Variants in SULT6B1 observed in about 807,000 individuals in gnomAD.
The protein encoded by SULT6B1 is sulfotransferase family 6B member 1.
In SULT6B1, 44 loss-of-function variants were observed where a neutral mutation model predicts 37.2. The ratio of observed to expected loss-of-function variants is 1.18; its 90% CI spans 0.93 to 1.52. The LOEUF is 1.52. SULT6B1 is among the 40% of genes most tolerant of loss of function. SULT6B1 has a pLI of 0.00. For missense variants in SULT6B1, 450 were observed against 361.0 expected, an observed-to-expected ratio of 1.25 and a Z score of -2.00; for synonymous variants, 140 against 126.0, an observed-to-expected ratio of 1.11 and a Z score of -0.74.
upstream of SULT6B1, among the ~76,000 whole-genome samples, chr2:37,192,213 G>T (rs1676793858): frequency 6.6e-6 from 1 of 152,202 alleles, no homozygotes; most frequent in Non-Finnish European, 1.5e-5. Context: ...ATTGTAAGAT[G>T]CATTCCTATT....
At chr2:37,186,746 A>C (rs967501771) in intron 2 of SULT6B1, among the ~76,000 whole-genome samples, 2 of 152,054 alleles carry the variant, frequency 1.3e-5, no homozygotes, top group Non-Finnish European at 2.9e-5. Context: ...ATTAAAAAAA[A>C]TTAACCAGGT....
intron 1 of SULT6B1, among the ~76,000 whole-genome samples, chr2:37,194,929 C>CAT (rs1676875178): frequency 3.7e-5 from 2 of 53,832 alleles, no homozygotes; most frequent in Admixed American, 2.0e-4. Context: ...TCCTTCCTTC[C>CAT]TTCCTTCCTT....
chr2:37,181,948 G>A (rs1467356742), intron 3 of SULT6B1, among the ~76,000 whole-genome samples: 1 of 152,160 alleles, frequency 6.6e-6, no homozygotes, highest in African/African-American at 2.4e-5. Context: ...TATCATTGGA[G>A]GTGCTGAATC....
chr2:37,175,348 A>T, intron 4 of SULT6B1, 122 bp from the exon 5 acceptor site: 1 of 432,632 alleles, frequency 2.3e-6, no homozygotes, highest in Non-Finnish European at 4.0e-6. Flanking sequence ...TCTTTATGTT[A>T]TTATAAATCC....
intron 1 of SULT6B1, among the ~76,000 whole-genome samples, chr2:37,194,899 TC>T (rs1676872276): frequency 4.5e-5 from 1 of 21,996 alleles, no homozygotes; most frequent in African/African-American, 2.1e-4. Context: ...CTTCCTTCTT[TC>T]CTTCCTTCCT....
intron 4 of SULT6B1, among the ~76,000 whole-genome samples, chr2:37,177,075 G>A (rs1676446761): frequency 1.3e-5 from 2 of 151,986 alleles, no homozygotes; most frequent in Admixed American, 1.3e-4. Context: ...TGTTAAATGA[G>A]AAAAACAAAC....
chr2:37,187,366 C>G lies in SULT6B1; in HGVS notation c.301G>C (p.Glu101Gln), dbSNP rs2148299561. 2 of 1,593,732 alleles carry G rather than the reference C, an allele frequency of 1.3e-6. No homozygotes were observed. Among genetic ancestry groups the G allele is most frequent in the South Asian group, 2.2e-5 (2 of 89,416 alleles). ...EFPVLECGDS[E>Q]KYQRMKGFPS... Reference sequence around the variant, plus strand: ...CTGGTTGTACTAACCTGATATTTTTCTGAATCCCCACATTCAAGAACTGGG... The same window carrying G: ...CTGGTTGTACTAACCTGATATTTTTGTGAATCCCCACATTCAAGAACTGGG... The change falls in exon 2 of 7, where the codon GAA (glutamate) becomes CAA (glutamine). Residue 101 changes from glutamate (E) to glutamine (Q), a missense_variant. Glu to Gln is a conservative substitution (Grantham distance 29). Transcript: ENST00000535679.
Position 37,183,456 on chromosome 2 carries a change from A to C in SULT6B1, c.371T>G (p.Leu124Ter), listed in dbSNP as rs372005005. The change falls in exon 3 of 7, where the codon TTA becomes TGA. Residue 124 changes from leucine to a stop codon, truncating the protein, a stop_gained. Coordinates refer to ENST00000535679, the MANE Select transcript of SULT6B1 (RefSeq NM_001367551.1). LOFTEE classifies it high-confidence loss of function. ...TTTATTCTCGAAGATAGACCCAGGT[A>C]ATTTGTCATAGTGGAGGTGAGTTGC... ...ILATHLHYDK[L>*]PGSIFENKAK... 9.9e-6 allele frequency: 16 copies of C among 1,614,148 alleles called. No individual in the cohort carries two copies. The East Asian group carries it at 3.3e-4, about 34-fold the overall frequency.
intron 2 of SULT6B1, 130 bp from the exon 3 acceptor site, chr2:37,183,644 C>G (rs186298023): frequency 7.7e-6 from 5 of 652,100 alleles, no homozygotes; most frequent in Admixed American, 5.7e-5. Flanking sequence ...TCTCCTCCTC[C>G]TCCAATTTTT....
intron 2 of SULT6B1, among the ~76,000 whole-genome samples, chr2:37,184,976 G>C (rs746809524): frequency 1.1e-4 from 16 of 152,298 alleles, no homozygotes; most frequent in Non-Finnish European, 2.2e-4. Flanking sequence ...TACAACAAAT[G>C]GTACCTTTAA....
At chr2:37,190,237 A>G (rs996792285), upstream of SULT6B1, among the ~76,000 whole-genome samples, 3 of 152,110 alleles carry the variant, frequency 2.0e-5, no homozygotes, top group African/African-American at 7.2e-5. Flanking sequence ...TAGACTGTAT[A>G]TTTCTTCTTA....
chr2:37,171,593 G>T lies in SULT6B1; in HGVS notation c.625-3C>A. 1 of 1,607,632 alleles carries T rather than the reference G, an allele frequency of 6.2e-7. No individual in the cohort carries two copies. Among genetic ancestry groups the T allele is most frequent in the East Asian group, 2.2e-5 (1 of 44,828 alleles). On this transcript the variant is annotated splice_region_variant and splice_polypyrimidine_tract_variant and intron_variant, in intron 5 of 6. Coordinates refer to ENST00000535679, the MANE Select transcript of SULT6B1 (RefSeq NM_001367551.1). ...TGTTTTATTCCAGCAGCCAGATTCTGTAAAAAAATTTTCTTAAAGATAAAT... is the reference window on the plus strand; with the variant it reads ...TGTTTTATTCCAGCAGCCAGATTCTTTAAAAAAATTTTCTTAAAGATAAAT...
upstream of SULT6B1, among the ~76,000 whole-genome samples, chr2:37,190,775 T>A (rs1280152704): frequency 1.3e-5 from 2 of 152,136 alleles, no homozygotes; most frequent in Non-Finnish European, 2.9e-5. Context: ...CTGTATGTCT[T>A]GTTTCAACGG....
intron 2 of SULT6B1, among the ~76,000 whole-genome samples, chr2:37,183,871 T>C (rs148867949): frequency 0.028 from 4,322 of 152,264 alleles, 95 homozygotes; most frequent in Middle Eastern, 0.044. Context: ...CTGAAACTCC[T>C]GACCTCAGGT....
At chr2:37,168,172 T>G in intron 6 of SULT6B1, 107 bp from the exon 7 acceptor site, 2 of 1,160,580 alleles carry the variant, frequency 1.7e-6, no homozygotes, top group Non-Finnish European at 2.3e-6. Context: ...AATGGACACA[T>G]GGAAAAAAGC....
At chr2:37,186,834 T>C (rs1464274854) in intron 2 of SULT6B1, among the ~76,000 whole-genome samples, 1 of 152,132 alleles carries the variant, frequency 6.6e-6, no homozygotes, top group Non-Finnish European at 1.5e-5. Context: ...AGGTCGAGGC[T>C]GCAGTGAGCC....
At chr2:37,187,666 T>C (rs1037044681) in intron 1 of SULT6B1, among the ~76,000 whole-genome samples, 199 bp from the exon 2 acceptor site, 2 of 152,228 alleles carry the variant, frequency 1.3e-5, no homozygotes, top group African/African-American at 2.4e-5. Context: ...ATAATTAGTA[T>C]AAAATTCAAC....
intron 3 of SULT6B1, among the ~76,000 whole-genome samples, chr2:37,180,098 G>C (rs1676517959): frequency 6.6e-6 from 1 of 152,164 alleles, no homozygotes; most frequent in Admixed American, 6.5e-5. Flanking sequence ...TGGATGAGTA[G>C]CATGAAATAA....
At chr2:37,185,106 G>A (rs1017544886) in intron 2 of SULT6B1, among the ~76,000 whole-genome samples, 2 of 152,124 alleles carry the variant, frequency 1.3e-5, no homozygotes, top group African/African-American at 4.8e-5. Flanking sequence ...AATTGCACAG[G>A]TGGTTATTTT....
Sources: allele counts gnomAD v4.1 joint callset (sites outside exome capture counted in the v4.1 genomes callset), GRCh38; gene constraint gnomAD v4.1.1; transcripts MANE v1.5; gene names NCBI Gene and HGNC (gene_info 2026-07-23, HGNC 2026-07-21).